The following SH3PXD2B variants were observed in gnomAD, a reference collection of about 807,000 sequenced individuals.
SH3PXD2B encodes the protein SH3 and PX domain-containing protein 2B.
A neutral mutation model predicts 73.1 loss-of-function variants in SH3PXD2B; 37 were observed. The observed-to-expected ratio is 0.51, with a 90% CI of 0.39 to 0.67. The LOEUF (loss-of-function observed/expected upper bound fraction) is 0.67, where lower values mean the gene tolerates loss of function less well. SH3PXD2B is among the 30% of genes least tolerant of loss of function. The probability of loss-of-function intolerance (pLI) is 0.00; values close to 1 mark genes in which losing one functional copy is unlikely to be tolerated. For synonymous variants in SH3PXD2B, 457 were observed against 480.5 expected, an observed-to-expected ratio of 0.95 and a Z score of 0.64; for missense variants, 1,053 against 1,197.8, an observed-to-expected ratio of 0.88 and a Z score of 1.78.
chr5:172,393,625 G>A (rs141657123), intron 4 of SH3PXD2B, among the ~76,000 whole-genome samples: 23 of 152,248 alleles, frequency 1.5e-4, no homozygotes, highest in African/African-American at 4.1e-4. Context: ...CTTTGTTCCT[G>A]ATCTGAGGGG....
At chr5:172,444,982 T>C (rs1759631966) in intron 1 of SH3PXD2B, among the ~76,000 whole-genome samples, 1 of 152,166 alleles carries the variant, frequency 6.6e-6, no homozygotes, top group Non-Finnish European at 1.5e-5. Flanking sequence ...TCTCCATTAT[T>C]CAAACCTCTT....
chr5:172,396,239 T>C (rs1758294108), intron 3 of SH3PXD2B, among the ~76,000 whole-genome samples: 1 of 141,468 alleles, frequency 7.1e-6, no homozygotes, highest in Non-Finnish European at 1.5e-5. Flanking sequence ...CCTGGTGTGG[T>C]AGCATGTGCC....
chr5:172,422,301 G>T, intron 2 of SH3PXD2B, 115 bp downstream of exon 2: 1 of 1,000,784 alleles, frequency 1.0e-6, no homozygotes, highest in Non-Finnish European at 1.5e-6. Flanking sequence ...AGCCATGGAT[G>T]TCATTTTTAA....
chr5:172,406,762 G>A (rs1758570874), intron 2 of SH3PXD2B, among the ~76,000 whole-genome samples: 1 of 152,208 alleles, frequency 6.6e-6, no homozygotes, highest in Non-Finnish European at 1.5e-5. Context: ...TCATGCTTAT[G>A]AGGGCACTAT....
At chr5:172,349,591 A>T (rs1344544072) in intron 10 of SH3PXD2B, among the ~76,000 whole-genome samples, 1 of 152,216 alleles carries the variant, frequency 6.6e-6, no homozygotes, top group Non-Finnish European at 1.5e-5. Flanking sequence ...GGAGCAATAG[A>T]GAGCACAGCA....
chr5:172,429,632 A>C (rs1759185051), intron 1 of SH3PXD2B, among the ~76,000 whole-genome samples: 1 of 144,690 alleles, frequency 6.9e-6, no homozygotes, highest in African/African-American at 2.5e-5. Flanking sequence ...GGTGGGAGGA[A>C]TTGGGGTGGG....
intron 12 of SH3PXD2B, among the ~76,000 whole-genome samples, chr5:172,325,792 G>GT (rs898884833): frequency 6.6e-6 from 1 of 151,956 alleles, no homozygotes; most frequent in Admixed American, 6.6e-5. Flanking sequence ...GTTTTGTTTT[G>GT]TTTTTTGAGA....
chr5:172,339,759 A>G lies in SH3PXD2B; in HGVS notation c.1346T>C (p.Leu449Pro). ...PLPHEVTQLR[L>P]GEAAALENNT... is the part of the protein sequence containing the mutation. Reference sequence around the variant, plus strand: ...GTTCTCCAGCGCTGCTGCTTCCCCCAGCCGGAGCTGGGTCACCTCGTGGGG... The same window carrying G: ...GTTCTCCAGCGCTGCTGCTTCCCCCGGCCGGAGCTGGGTCACCTCGTGGGG... The change falls in exon 13 of 13, where the codon CTG becomes CCG. Residue 449 changes from leucine to proline, a missense_variant. By Grantham distance (98) the Leu-to-Pro change is moderately conservative. Coordinates refer to ENST00000311601, the MANE Select transcript of SH3PXD2B (RefSeq NM_001017995.3). This position sits in a 1 kb window ranked among gnomAD's most constrained non-coding sequence, Gnocchi z 6.1. 1 of 1,613,156 alleles carries G rather than the reference A, an allele frequency of 6.2e-7. No homozygotes were observed. The highest frequency in any genetic ancestry group is 2.2e-5 in the East Asian group (1 of 44,856).
chr5:172,368,757 TTA>T, intron 6 of SH3PXD2B, among the ~76,000 whole-genome samples: 1 of 96,126 alleles, frequency 1.0e-5, no homozygotes, highest in Admixed American at 1.4e-4. Flanking sequence ...ATATATATAT[TTA>T]ATATATAATA....
intron 4 of SH3PXD2B, among the ~76,000 whole-genome samples, chr5:172,390,860 T>TGTGTGTGA (rs949339165): frequency 3.5e-5 from 5 of 142,904 alleles, no homozygotes; most frequent in African/African-American, 1.3e-4. Context: ...TGTGTGTGTG[T>TGTGTGTGA]GACAGAGTTT....
chr5:172,428,027 C>T (rs997156087), intron 1 of SH3PXD2B, among the ~76,000 whole-genome samples: 1 of 152,040 alleles, frequency 6.6e-6, no homozygotes, highest in Non-Finnish European at 1.5e-5. Flanking sequence ...CCACCCACCT[C>T]GGCCTCCCAA....
chr5:172,411,918 T>A (rs1285494039), intron 2 of SH3PXD2B, among the ~76,000 whole-genome samples: 1 of 151,936 alleles, frequency 6.6e-6, no homozygotes, highest in African/African-American at 2.4e-5. Context: ...ATCACCACCA[T>A]CCATCTCTGG....
Position 172,445,443 on chromosome 5 carries a change from C to T in SH3PXD2B, c.75+8835G>A, listed in dbSNP as rs1474156564. Among the ~76,000 whole-genome samples, 1 of 152,132 alleles carries T rather than the reference C, an allele frequency of 6.6e-6. No individual in the cohort carries two copies. Among genetic ancestry groups the T allele is most frequent in the South Asian group, 2.1e-4 (1 of 4,824 alleles). ...CAGGCTGGTATTGAACTCCTGGGCT[C>T]AAGCGATCTTCTCGCCTCAGCCTCC... On this transcript the variant is annotated intron_variant, in intron 1 of 12. Transcript: ENST00000311601. This position sits in a 1 kb window ranked among gnomAD's most constrained non-coding sequence, Gnocchi z 5.2.
rs1561896785 is a variant in SH3PXD2B at position 172,348,675 on chromosome 5, C to CTATCTTATCT, written c.1013-1344_1013-1343insAGATAAGATA. 7.4e-4 allele frequency among the ~76,000 whole-genome samples: 42 copies of CTATCTTATCT among 56,700 alleles called. 1 individual carries two copies. The highest frequency in any genetic ancestry group is 1.2e-3 in the Non-Finnish European group (33 of 27,042). 37.2% of individuals were successfully genotyped at this position (56,700 alleles called of 152,430 possible). A position where few individuals can be genotyped will look rare whatever the true frequency, so the allele number is the denominator to read the frequency against. On this transcript the variant is annotated intron_variant, in intron 10 of 12. Transcript: ENST00000311601. ...CTATCCTATCTATCTATCTATCTATCTATCTATCTATCTATCTATCTATCT... is the reference window on the plus strand; with the variant it reads ...CTATCCTATCTATCTATCTATCTATCTATCTTATCTTATCTATCTATCTATCTATCTATCT...
chr5:172,368,810 A>G (rs1318971724), intron 6 of SH3PXD2B, among the ~76,000 whole-genome samples: 1 of 129,826 alleles, frequency 7.7e-6, no homozygotes, highest in African/African-American at 2.9e-5. Flanking sequence ...TATAATATGT[A>G]TATTAAATAT....
In SH3PXD2B at chr5:172,373,580, GCATC is replaced by G. The variant is rs10625047; in HGVS notation, c.427+206_427+209del. Among the ~76,000 whole-genome samples, 368 of 147,774 alleles carry G rather than the reference GCATC, an allele frequency of 2.5e-3. 1 individual carries two copies. Among genetic ancestry groups the G allele is most frequent in the African/African-American group, 4.7e-3 (187 of 39,974 alleles). Reference sequence around the variant, plus strand: ...GATGGGGTATCAACCAATCAATCAAGCATCCATCCATCCATCCATCCATCCATCC... The same window carrying G: ...GATGGGGTATCAACCAATCAATCAAGCATCCATCCATCCATCCATCCATCC... On this transcript the variant is annotated intron_variant, in intron 6 of 12. Transcript: ENST00000311601.
At chr5:172,345,064 AAGG>A (rs768382829) in intron 12 of SH3PXD2B, among the ~76,000 whole-genome samples, 8 of 147,102 alleles carry the variant, frequency 5.4e-5, no homozygotes, top group Non-Finnish European at 9.0e-5. Flanking sequence ...AGGAAGGAGG[AAGG>A]AGGAAGGAAG....
chr5:172,334,062 T>C lies in SH3PXD2B; in HGVS notation c.*4307A>G, dbSNP rs1756630141. The stretch of plus-strand genomic sequence containing the variant: ...GACTGTGGCACTGCGTTTGGCCTCT[T>C]TGAGGACAGAAGAGGTTGAGCCCCT... On this transcript the variant is annotated 3_prime_UTR_variant, in exon 13 of 13. Coordinates refer to ENST00000311601, the MANE Select transcript of SH3PXD2B (RefSeq NM_001017995.3). 2 of 1,156,636 alleles carry C rather than the reference T, an allele frequency of 1.7e-6. No homozygotes were observed. Among genetic ancestry groups the C allele is most frequent in the South Asian group, 1.8e-5 (1 of 56,736 alleles). 71.6% of individuals were successfully genotyped at this position (1,156,636 alleles called of 1,614,324 possible).
intron 1 of SH3PXD2B, among the ~76,000 whole-genome samples, chr5:172,427,978 A>G (rs1397848348): frequency 6.6e-6 from 1 of 151,866 alleles, no homozygotes; most frequent in Non-Finnish European, 1.5e-5. Context: ...GGGTTTCACT[A>G]TCTTGGCCAG....
Sources: gnomAD v4.1 joint callset for allele counts (sites outside exome capture counted in the v4.1 genomes callset) on GRCh38, gnomAD v4.1.1 for gene constraint, Gnocchi (gnomAD v3.1) non-coding constraint, MANE v1.5 for transcripts, NCBI Gene and HGNC (gene_info 2026-07-23, HGNC 2026-07-21) for gene names.